Variants in RAB3IP observed in about 807,000 individuals in gnomAD.
The protein encoded by RAB3IP is RAB3A interacting protein.
RAB3IP carries 36 observed loss-of-function variants against 59.1 expected under a neutral mutation model. The ratio of observed to expected loss-of-function variants is 0.61; its 90% CI spans 0.47 to 0.80. The LOEUF (loss-of-function observed/expected upper bound fraction) is 0.80. Among genes scored for constraint, RAB3IP ranks in the 30% least tolerant of loss-of-function variants. The probability of loss-of-function intolerance (pLI) is 0.00; values close to 1 mark genes in which losing one functional copy is unlikely to be tolerated. For synonymous variants in RAB3IP, 207 were observed against 191.2 expected, an observed-to-expected ratio of 1.08 and a Z score of -0.68; for missense variants, 511 against 536.0, an observed-to-expected ratio of 0.95 and a Z score of 0.46.
intron 4 of RAB3IP, among the ~76,000 whole-genome samples, chr12:69,787,923 A>G (rs963806337): frequency 6.6e-6 from 1 of 152,196 alleles, no homozygotes; most frequent in Admixed American, 6.5e-5. Flanking sequence ...GTGTTAACAT[A>G]CATTGTAAAT....
At chr12:69,803,970 T>C (rs1314147449) in intron 8 of RAB3IP, among the ~76,000 whole-genome samples, 3 of 152,344 alleles carry the variant, frequency 2.0e-5, no homozygotes, top group Admixed American at 2.0e-4. Context: ...CATGTGCATG[T>C]GTCTTTATAG....
rs1482418649 is a variant in RAB3IP, at chr12:69,801,399, A to G, written c.1018-210A>G. Among the ~76,000 whole-genome samples, 3 of 152,316 alleles carry G rather than the reference A, an allele frequency of 2.0e-5. No homozygotes were observed. The East Asian group carries it at 5.8e-4, about 29-fold the overall frequency. ...CCTCGTCCAGATAATGAGGAAAGTT[A>G]TTTTACCATAAGTGAATTGCCTTTC... is the stretch of plus-strand genomic sequence containing the variant. On this transcript the variant is annotated intron_variant, in intron 7 of 10. Transcript: ENST00000247833.
At position 69,817,132 on chromosome 12, in the gene RAB3IP, G is replaced by C. The variant is rs1158081183; in HGVS notation, c.*1686G>C. 1 of 152,084 alleles carries C rather than the reference G, an allele frequency of 6.6e-6. No individual in the cohort carries two copies. The highest frequency in any genetic ancestry group is 6.6e-5 in the Admixed American group (1 of 15,254). 9.4% of individuals were successfully genotyped at this position (152,084 alleles called of 1,614,324 possible). ...GAAACAAATCCAGGAGATACTGTAC[G>C]GTTTGAAAGAAAGGTAATCAAATAC... On this transcript the variant is annotated 3_prime_UTR_variant, in exon 11 of 11. Transcript: ENST00000247833.
chr12:69,804,114 A>G (rs1415377603), intron 8 of RAB3IP, among the ~76,000 whole-genome samples: 3 of 152,176 alleles, frequency 2.0e-5, no homozygotes, highest in Non-Finnish European at 4.4e-5. Flanking sequence ...CAGTCCCACC[A>G]ACAGTGTAAA....
At chr12:69,785,794 A>G (rs1003743953) in intron 4 of RAB3IP, among the ~76,000 whole-genome samples, 6 of 152,226 alleles carry the variant, frequency 3.9e-5, no homozygotes, top group Non-Finnish European at 1.5e-5. Flanking sequence ...GACGTACACA[A>G]TAAACCATTA....
rs1880645723 is a variant in RAB3IP at position 69,812,874 on chromosome 12, C to T, written c.1227C>T (p.Tyr409=). 2 of 1,608,106 alleles carry T rather than the reference C, an allele frequency of 1.2e-6. No homozygotes were observed. Among genetic ancestry groups the T allele is most frequent in the Non-Finnish European group, 1.7e-6 (2 of 1,174,556 alleles). Reference sequence around the variant, plus strand: ...ATTATATTTCTCCTTTTTGCAGATACAGGGTAAGTGACTTAACCATGAATT... The same window carrying T: ...ATTATATTTCTCCTTTTTGCAGATATAGGGTAAGTGACTTAACCATGAATT... The part of the protein sequence containing the change: ...NYYYISPFCR[Y]RITSVCNFFT... Residue 409 remains tyrosine, a synonymous_variant, in exon 9 of 11, where the codon TAC becomes TAT. Transcript: ENST00000247833.
intron 3 of RAB3IP, among the ~76,000 whole-genome samples, chr12:69,763,795 TTCCCATCTTTAGG>T (rs1871755823): frequency 6.6e-6 from 1 of 152,182 alleles, no homozygotes; most frequent in South Asian, 2.1e-4. Context: ...GTTTCTATTT[TTCCCATCTTTAGG>T]TCCATGAGTA....
At chr12:69,768,279 G>C (rs1419781578) in intron 3 of RAB3IP, among the ~76,000 whole-genome samples, 3 of 152,146 alleles carry the variant, frequency 2.0e-5, no homozygotes, top group Non-Finnish European at 4.4e-5. Flanking sequence ...GGAAAGGGTA[G>C]GGTGGTTCAG....
At chr12:69,812,418 A>C (rs2136286902) in intron 8 of RAB3IP, 1 of 202,032 alleles carries the variant, frequency 4.9e-6, no homozygotes, top group South Asian at 1.1e-4. Flanking sequence ...AACAGTCATC[A>C]TGAGGATATT....
rs575249566 is a variant in RAB3IP, at chr12:69,756,719, C to T, written c.510+56C>T. 5.5e-5 allele frequency: 79 copies of T among 1,444,070 alleles called. No individual in the cohort carries two copies. The South Asian group carries it at 7.7e-4, about 14-fold the overall frequency. The allele number at this position is 1,444,070 out of a possible 1,614,324, so 89.5% of individuals were successfully genotyped here. The stretch of plus-strand genomic sequence containing the variant: ...TATTATATTAGAAATTAGTATTTCT[C>T]CATGGGGTGGGGCAACCTGCAGAAA... On this transcript the variant is annotated intron_variant, in intron 3 of 10. Transcript: ENST00000247833.
chr12:69,754,594 G>A (rs1382266297), intron 1 of RAB3IP, among the ~76,000 whole-genome samples: 2 of 152,094 alleles, frequency 1.3e-5, no homozygotes, highest in Non-Finnish European at 2.9e-5. Flanking sequence ...AGTTCCTGAC[G>A]ATATATTGTA....
intron 1 of RAB3IP, among the ~76,000 whole-genome samples, chr12:69,750,369 A>C (rs973052576): frequency 3.3e-5 from 5 of 152,144 alleles, no homozygotes; most frequent in African/African-American, 1.2e-4. Context: ...TATCTTTTTT[A>C]AAAGATAAGG....
intron 3 of RAB3IP, among the ~76,000 whole-genome samples, chr12:69,770,331 A>G (rs1468955059): frequency 6.6e-6 from 1 of 152,182 alleles, no homozygotes; most frequent in Non-Finnish European, 1.5e-5. Flanking sequence ...TAGATCCTCA[A>G]TTGCATAGTG....
At chr12:69,759,897 G>T (rs1248344509) in intron 3 of RAB3IP, among the ~76,000 whole-genome samples, 1 of 151,718 alleles carries the variant, frequency 6.6e-6, no homozygotes, top group Non-Finnish European at 1.5e-5. Flanking sequence ...CCCAGACGGG[G>T]TCGCGGCTGG....
chr12:69,799,972 A>G (rs540775115), intron 6 of RAB3IP, among the ~76,000 whole-genome samples: 53 of 152,212 alleles, frequency 3.5e-4, no homozygotes, highest in African/African-American at 1.2e-3. Context: ...GTTATTTGAG[A>G]GTCATTTTTT....
chr12:69,738,430 CCA>C (rs149666547), upstream of RAB3IP: 8 of 151,950 alleles, frequency 5.3e-5, no homozygotes, highest in East Asian at 1.9e-4. Flanking sequence ...CCATCTCCCG[CCA>C]CACACACACA....
chr12:69,796,711 G>A, intron 6 of RAB3IP: 1 of 556,848 alleles, frequency 1.8e-6, no homozygotes, highest in Admixed American at 3.5e-5. Flanking sequence ...ATTGGTTTCT[G>A]TTAAATATTT....
chr12:69,796,289 A>G (rs1217242749), intron 6 of RAB3IP: 1 of 157,750 alleles, frequency 6.3e-6, no homozygotes, highest in East Asian at 1.8e-4. Flanking sequence ...AACAAGAGCG[A>G]AACTCTGTCT....
intron 5 of RAB3IP, 62 bp downstream of exon 5, chr12:69,794,576 T>C: frequency 7.9e-7 from 1 of 1,272,150 alleles, no homozygotes; most frequent in East Asian, 2.4e-5. Context: ...TAAAGATACC[T>C]TAACATCTGT....
Sources: gnomAD v4.1 joint callset for allele counts (sites outside exome capture counted in the v4.1 genomes callset) on GRCh38, gnomAD v4.1.1 for gene constraint, MANE v1.5 for transcripts, NCBI Gene and HGNC (gene_info 2026-07-23, HGNC 2026-07-21) for gene names.